The following AK9 variants were observed in gnomAD, a reference collection of about 807,000 sequenced individuals.
AK9 encodes the protein adenylate kinase 9, also known as adenylate kinase domain containing 1.
A neutral mutation model predicts 239.6 loss-of-function variants in AK9; 191 were observed. The observed-to-expected ratio is 0.80, with a 90% CI of 0.71 to 0.90. The LOEUF is 0.90. AK9 is among the 40% of genes least tolerant of loss of function. The pLI is 0.00. For synonymous variants in AK9, 689 were observed against 721.0 expected (o/e 0.96, Z 0.71); for missense variants, 1,995 against 2,214.7 (o/e 0.90, Z 1.99).
intron 29 of AK9, among the ~76,000 whole-genome samples, chr6:109,518,806 A>C (rs1779525255): frequency 6.6e-6 from 1 of 152,006 alleles, no homozygotes; most frequent in Non-Finnish European, 1.5e-5. Flanking sequence ...TTTTCAATGA[A>C]TTAAAAAAAA....
intron 25 of AK9, among the ~76,000 whole-genome samples, chr6:109,547,830 T>A (rs1783772695): frequency 2.9e-5 from 3 of 104,884 alleles, no homozygotes; most frequent in African/African-American, 4.3e-5. Context: ...TATAAAGAAC[T>A]CAAACAGCTC....
intron 13 of AK9, among the ~76,000 whole-genome samples, chr6:109,618,459 T>C (rs1284816804): frequency 1.3e-5 from 2 of 151,164 alleles, no homozygotes; most frequent in Admixed American, 6.6e-5. Context: ...TTTTTGTCTA[T>C]TCTGCAATGT....
chr6:109,664,695 T>C (rs1251868308), intron 5 of AK9, among the ~76,000 whole-genome samples: 1 of 151,024 alleles, frequency 6.6e-6, no homozygotes, highest in African/African-American at 2.4e-5. Context: ...AGTGCTGGTA[T>C]TACAGGCATG....
chr6:109,678,965 A>C (rs1001723678), intron 1 of AK9, among the ~76,000 whole-genome samples: 2 of 152,198 alleles, frequency 1.3e-5, no homozygotes, highest in Non-Finnish European at 2.9e-5. Context: ...CAACCCGCAG[A>C]CCAGGAGATT....
intron 8 of AK9, among the ~76,000 whole-genome samples, 166 bp from the exon 9 acceptor site, chr6:109,644,854 T>G (rs1267484253): frequency 6.6e-6 from 1 of 152,212 alleles, no homozygotes; most frequent in Non-Finnish European, 1.5e-5. Flanking sequence ...TTGCAAAAGC[T>G]CAAACTAATC....
chr6:109,533,581 C>A, intron 27 of AK9, 111 bp from the exon 28 acceptor site: 1 of 755,010 alleles, frequency 1.3e-6, no homozygotes, highest in Non-Finnish European at 1.9e-6. Flanking sequence ...CATCATTACA[C>A]CTTGAATATA....
intron 13 of AK9, among the ~76,000 whole-genome samples, chr6:109,615,241 T>C (rs1794031386): frequency 7.0e-6 from 1 of 142,552 alleles, no homozygotes; most frequent in African/African-American, 2.5e-5. Context: ...GTATTTTTTT[T>C]CCATCTGTTC....
At chr6:109,589,883 G>T (rs1344135759) in intron 17 of AK9, among the ~76,000 whole-genome samples, 5 of 152,098 alleles carry the variant, frequency 3.3e-5, no homozygotes, top group Non-Finnish European at 7.4e-5. Context: ...ATTTGTGTAT[G>T]CTGAACCAAC....
In AK9 at chr6:109,538,706, A is replaced by C. The variant is rs1196627207; in HGVS notation, c.3350+3341T>G. Among the ~76,000 whole-genome samples, 1,083 of 151,484 alleles carry C rather than the reference A, an allele frequency of 7.1e-3. 19 individuals are homozygous for C. The highest frequency in any genetic ancestry group is 0.025 in the African/African-American group (1,023 of 40,858). On this transcript the variant is annotated intron_variant, in intron 27 of 40. Transcript: ENST00000424296. ...ATGCAGTTTCTTCCTAGCATCAATG[A>C]TCTTTACAATTTGGCATGTTTTGCA...
chr6:109,624,777 A>C (rs1053319042), intron 12 of AK9, among the ~76,000 whole-genome samples: 3 of 152,166 alleles, frequency 2.0e-5, no homozygotes, highest in Admixed American at 1.3e-4. Context: ...TTCTGCAGTT[A>C]TCTCTTTGGT....
At chr6:109,610,598 C>T in intron 16 of AK9, 85 bp from the exon 17 acceptor site, 1 of 1,347,964 alleles carries the variant, frequency 7.4e-7, no homozygotes, top group Non-Finnish European at 1.0e-6. Flanking sequence ...TTGATAATAT[C>T]TGACCCAAGA....
intron 7 of AK9, 72 bp from the exon 8 acceptor site, chr6:109,656,956 C>T: frequency 6.6e-7 from 1 of 1,522,870 alleles, no homozygotes; most frequent in African/African-American, 1.4e-5. Flanking sequence ...ATATTCCCCA[C>T]TCCTTACACC....
intron 24 of AK9, chr6:109,550,628 T>C (rs9384712): frequency 0.21 from 38,081 of 178,706 alleles, 4,346 homozygotes; most frequent in South Asian, 0.34. Flanking sequence ...GTTTCTAAAA[T>C]AGAATTATTC....
chr6:109,682,030 T>C (rs1207942841), intron 1 of AK9, among the ~76,000 whole-genome samples: 1 of 152,040 alleles, frequency 6.6e-6, no homozygotes, highest in African/African-American at 2.4e-5. Flanking sequence ...TTAAAAGAAC[T>C]AGAGAAGCAA....
At chr6:109,638,160 T>G (rs1583361675) in intron 10 of AK9, among the ~76,000 whole-genome samples, 1 of 152,254 alleles carries the variant, frequency 6.6e-6, no homozygotes, top group Admixed American at 6.5e-5. Context: ...GCCCCATGCA[T>G]GCAATGCTTT....
At chr6:109,526,266 T>C (rs576507156) in intron 29 of AK9, among the ~76,000 whole-genome samples, 1 of 151,932 alleles carries the variant, frequency 6.6e-6, no homozygotes. Flanking sequence ...AACCTGCACA[T>C]GTACCCTCTG....
At chr6:109,630,747 G>C (rs1056929236) in intron 12 of AK9, among the ~76,000 whole-genome samples, 18 of 151,954 alleles carry the variant, frequency 1.2e-4, no homozygotes, top group African/African-American at 4.1e-4. Context: ...CAGGAGGCTG[G>C]GGTGGGAGGA....
At chr6:109,579,368 C>T (rs1277833864) in intron 20 of AK9, 182 bp downstream of exon 20, 1 of 554,064 alleles carries the variant, frequency 1.8e-6, no homozygotes, top group Admixed American at 3.6e-5. Flanking sequence ...ATTTAGTATA[C>T]AAACTGGAAC....
At chr6:109,649,772 G>A (rs142237056) in intron 8 of AK9, among the ~76,000 whole-genome samples, 6,107 of 152,242 alleles carry the variant, frequency 0.04, 184 homozygotes, top group East Asian at 0.11. Context: ...AGCTGGCATC[G>A]CCAAGGCAAT....
Sources: gnomAD v4.1 joint callset for allele counts (sites outside exome capture counted in the v4.1 genomes callset) on GRCh38, gnomAD v4.1.1 for gene constraint, MANE v1.5 for transcripts, NCBI Gene and HGNC (gene_info 2026-07-23, HGNC 2026-07-21) for gene names.